The following PHKB variants were observed in gnomAD, a reference collection of about 807,000 sequenced individuals.
PHKB encodes the protein phosphorylase kinase regulatory subunit beta, also known as phosphorylase b kinase regulatory subunit beta.
PHKB carries 122 observed loss-of-function variants against 152.1 expected under a neutral mutation model. The ratio of observed to expected loss-of-function variants is 0.80; its 90% CI spans 0.69 to 0.93. PHKB has a LOEUF of 0.93. Ranked by LOEUF, PHKB falls within the 40% of genes least tolerant of loss-of-function variation. PHKB has a pLI of 0.00. For missense variants in PHKB, 1,304 were observed against 1,328.4 expected (o/e 0.98, Z 0.29); for synonymous variants, 436 against 464.9 (o/e 0.94, Z 0.80).
rs117779023 is a variant in PHKB, at chr16:47,495,829, T to C, written c.77-1570T>C. On this transcript the variant is annotated intron_variant, in intron 1 of 30. Transcript: ENST00000323584. The stretch of plus-strand genomic sequence containing the variant: ...CTGATGTTCTGTATGTTGATAGGTC[T>C]CTCCGTTCCTCACTATGGACCCATT... Among the ~76,000 whole-genome samples, 103 of 152,322 alleles carry C rather than the reference T, an allele frequency of 6.8e-4. No homozygotes were observed. The East Asian group carries it at 0.019, about 28-fold the overall frequency.
chr16:47,506,519 A>G (rs1184131068), intron 4 of PHKB, among the ~76,000 whole-genome samples: 2 of 152,100 alleles, frequency 1.3e-5, no homozygotes, highest in African/African-American at 4.8e-5. Flanking sequence ...GATTAAAGTT[A>G]ATTTTTTCCT....
rs1973448616 is a variant in PHKB, at chr16:47,661,769, A to G, written c.2247A>G (p.Lys749=). ...SQAILLGILL[K]REGPNFITKE... is the part of the protein sequence containing the mutation. ...CCATCCTGCTGGGTATACTGCTCAA[A>G]AGAGAAGGCCCCAACTTCATCACAA... The change falls in exon 23 of 31, where the codon AAA becomes AAG. Residue 749 remains lysine, a synonymous_variant. Transcript: ENST00000323584. The G allele has an allele frequency of 6.2e-7, 1 of 1,613,364 alleles. No individual in the cohort carries two copies. The highest frequency in any genetic ancestry group is 8.5e-7 in the Non-Finnish European group (1 of 1,179,346).
chr16:47,635,763 G>A (rs1281840320), intron 14 of PHKB, among the ~76,000 whole-genome samples: 2 of 152,180 alleles, frequency 1.3e-5, no homozygotes, highest in African/African-American at 4.8e-5. Context: ...AGACTGCCTG[G>A]GTCTGAATTC....
At chr16:47,571,649 T>C (rs1971660846) in intron 7 of PHKB, among the ~76,000 whole-genome samples, 1 of 152,010 alleles carries the variant, frequency 6.6e-6, no homozygotes, top group South Asian at 2.1e-4. Context: ...TTGAGAAAGG[T>C]CCTCCATAGG....
At chr16:47,678,905 T>A (rs1296484198) in intron 26 of PHKB, among the ~76,000 whole-genome samples, 2 of 152,236 alleles carry the variant, frequency 1.3e-5, no homozygotes, top group Admixed American at 1.3e-4. Flanking sequence ...TGGTTTTAGG[T>A]CTAACATGTA....
intron 13 of PHKB, among the ~76,000 whole-genome samples, chr16:47,597,009 A>T (rs573732008): frequency 6.6e-6 from 1 of 152,262 alleles, no homozygotes; most frequent in African/African-American, 2.4e-5. Flanking sequence ...TTCTTTGAAG[A>T]ATTATTTTTC....
chr16:47,692,760 C>T (rs1257881171), intron 27 of PHKB, among the ~76,000 whole-genome samples: 1 of 151,986 alleles, frequency 6.6e-6, no homozygotes, highest in Non-Finnish European at 1.5e-5. Flanking sequence ...AATAAAAGAT[C>T]TAAAATTTTG....
At chr16:47,578,839 G>C (rs565154753) in intron 7 of PHKB, among the ~76,000 whole-genome samples, 7 of 152,114 alleles carry the variant, frequency 4.6e-5, no homozygotes, top group Non-Finnish European at 1.0e-4. Context: ...ATGGATGGGG[G>C]TAGGGTAAAG....
At chr16:47,547,274 G>A (rs1273871920) in intron 6 of PHKB, among the ~76,000 whole-genome samples, 159 bp from the exon 7 acceptor site, 1 of 152,078 alleles carries the variant, frequency 6.6e-6, no homozygotes, top group Admixed American at 6.5e-5. Context: ...TAGTAGAGAT[G>A]AGTTTCTGCA....
chr16:47,514,463 T>C (rs1348895560), intron 5 of PHKB, among the ~76,000 whole-genome samples: 1 of 152,056 alleles, frequency 6.6e-6, no homozygotes, highest in African/African-American at 2.4e-5. Flanking sequence ...TAACCTGGAG[T>C]TCTGATGTCC....
intron 6 of PHKB, among the ~76,000 whole-genome samples, chr16:47,540,531 C>T (rs550734931): frequency 6.6e-6 from 1 of 152,168 alleles, no homozygotes; most frequent in African/African-American, 2.4e-5. Flanking sequence ...CTCAAGTGGG[C>T]ATCATGGTCC....
chr16:47,523,243 A>C (rs1251288077), intron 6 of PHKB, among the ~76,000 whole-genome samples: 1 of 152,180 alleles, frequency 6.6e-6, no homozygotes, highest in African/African-American at 2.4e-5. Context: ...TTAGAATAAT[A>C]TATTAACTCC....
At chr16:47,474,850 A>G (rs1410043137) in intron 1 of PHKB, among the ~76,000 whole-genome samples, 1 of 151,692 alleles carries the variant, frequency 6.6e-6, no homozygotes, top group African/African-American at 2.4e-5. Flanking sequence ...TCAGCCTCCC[A>G]AGTAGCTGGG....
intron 13 of PHKB, among the ~76,000 whole-genome samples, chr16:47,606,682 A>G (rs542486099): frequency 1.3e-5 from 2 of 152,018 alleles, no homozygotes; most frequent in Non-Finnish European, 2.9e-5. Context: ...TTGCACTCCA[A>G]GGAGGTTTTG....
intron 14 of PHKB, among the ~76,000 whole-genome samples, chr16:47,635,181 A>G (rs1972896907): frequency 6.6e-6 from 1 of 152,190 alleles, no homozygotes; most frequent in South Asian, 2.1e-4. Context: ...ACAGAGGCAT[A>G]CAGTATACTA....
chr16:47,585,696 C>T (rs1326392584), intron 8 of PHKB, among the ~76,000 whole-genome samples: 2 of 152,052 alleles, frequency 1.3e-5, no homozygotes, highest in Admixed American at 6.5e-5. Context: ...ATTATTTTTC[C>T]CTTTGGGCAT....
At position 47,588,936 on chromosome 16, in the gene PHKB, G is replaced by A. The variant is rs1280344347; in HGVS notation, c.902G>A (p.Ser301Asn). The A allele has an allele frequency of 6.2e-7, 1 of 1,613,970 alleles. No individual in the cohort carries two copies. Among genetic ancestry groups the A allele is most frequent in the Non-Finnish European group, 8.5e-7 (1 of 1,179,906 alleles). Residue 301 changes from serine to asparagine, a missense_variant, in exon 10 of 31, where the codon AGT (serine) becomes AAT (asparagine). By Grantham distance (46) the Ser-to-Asn change is conservative. Transcript: ENST00000323584. The stretch of plus-strand genomic sequence containing the variant: ...GATGCTGCCCTGCTCCCCTGCATCA[G>A]TTATCCTGCATTTGCCCTGGATGAT... The part of the protein sequence containing the change: ...NTDAALLPCI[S>N]YPAFALDDEV...
intron 14 of PHKB, among the ~76,000 whole-genome samples, chr16:47,628,549 A>C (rs1196614457): frequency 6.6e-6 from 1 of 152,202 alleles, no homozygotes; most frequent in Non-Finnish European, 1.5e-5. Context: ...TAAATAAATA[A>C]AAATAAAACT....
intron 18 of PHKB, among the ~76,000 whole-genome samples, chr16:47,649,606 C>T (rs986390717): frequency 1.3e-5 from 2 of 152,150 alleles, no homozygotes; most frequent in African/African-American, 4.8e-5. Flanking sequence ...AAAATCTTCA[C>T]TCCCTTTTCT....
Sources: allele counts gnomAD v4.1 joint callset (sites outside exome capture counted in the v4.1 genomes callset), GRCh38; gene constraint gnomAD v4.1.1; transcripts MANE v1.5; gene names NCBI Gene and HGNC (gene_info 2026-07-23, HGNC 2026-07-21).